The following ADD2 variants were observed in gnomAD, a reference collection of about 807,000 sequenced individuals.
ADD2 encodes the protein adducin 2, also known as beta-adducin.
In ADD2, 23 loss-of-function variants were observed where a neutral mutation model predicts 83.0. That is an observed-to-expected ratio of 0.28 (90% confidence interval 0.20 to 0.39). The LOEUF (loss-of-function observed/expected upper bound fraction) is 0.39. Among genes scored for constraint, ADD2 ranks in the 10% least tolerant of loss-of-function variants. The pLI is 1.00. For synonymous variants in ADD2, 375 were observed against 375.4 expected, an observed-to-expected ratio of 1.00 and a Z score of 0.01; for missense variants, 758 against 944.9, an observed-to-expected ratio of 0.80 and a Z score of 2.59.
rs552953807 is a variant in ADD2, at chr2:70,693,342, C to T, written c.556-790G>A. 6.6e-5 allele frequency among the ~76,000 whole-genome samples: 10 copies of T among 152,294 alleles called. No individual in the cohort carries two copies. The South Asian group carries it at 1.9e-3, about 28-fold the overall frequency. ...CCTAACTTCACTGACTGCAGTTGTT[C>T]CCTGGACATTAACAAGCCAGATGAT... On this transcript the variant is annotated intron_variant, in intron 6 of 15. Coordinates refer to ENST00000264436, the MANE Select transcript of ADD2 (RefSeq NM_001617.4).
chr2:70,724,125 T>G (rs373185239), intron 1 of ADD2, among the ~76,000 whole-genome samples: 1 of 152,228 alleles, frequency 6.6e-6, no homozygotes, highest in Non-Finnish European at 1.5e-5. Context: ...TGTGGAAACA[T>G]GTACCTTCAT....
At chr2:70,737,693 G>C (rs966356978) in intron 1 of ADD2, among the ~76,000 whole-genome samples, 7 of 152,056 alleles carry the variant, frequency 4.6e-5, no homozygotes, top group African/African-American at 1.7e-4. Flanking sequence ...CCTGCACATT[G>C]TGCACATGTA....
chr2:70,760,160 T>G (rs889405192), intron 1 of ADD2, among the ~76,000 whole-genome samples: 2 of 152,230 alleles, frequency 1.3e-5, no homozygotes, highest in Non-Finnish European at 2.9e-5. Context: ...TTGGACACTT[T>G]GAAGAAAAGA....
chr2:70,677,941 T>C, intron 11 of ADD2, 64 bp from the exon 12 acceptor site: 1 of 1,603,520 alleles, frequency 6.2e-7, no homozygotes, highest in Non-Finnish European at 8.5e-7. Flanking sequence ...TCCCCAGTGG[T>C]CCACCCACGA....
chr2:70,698,655 T>C, intron 4 of ADD2, among the ~76,000 whole-genome samples: 1 of 152,174 alleles, frequency 6.6e-6, no homozygotes, highest in Non-Finnish European at 1.5e-5. Context: ...TTATTATTTA[T>C]ATATAAAAAT....
chr2:70,762,783 G>A (rs371200128), intron 1 of ADD2, among the ~76,000 whole-genome samples: 1 of 148,790 alleles, frequency 6.7e-6, no homozygotes, highest in East Asian at 2.0e-4. Flanking sequence ...TCGGCTCACT[G>A]CAACCTCCGC....
intron 1 of ADD2, among the ~76,000 whole-genome samples, chr2:70,728,960 C>T (rs1012191765): frequency 4.6e-5 from 7 of 152,226 alleles, no homozygotes; most frequent in African/African-American, 7.2e-5. Flanking sequence ...GGTTTTCCAC[C>T]GGCAAACTCT....
chr2:70,717,230 C>T (rs3821257), intron 1 of ADD2, among the ~76,000 whole-genome samples: 110,379 of 152,068 alleles, frequency 0.73, 41,450 homozygotes, highest in African/African-American at 0.91. Flanking sequence ...GACACGCTTC[C>T]TGTCACCAAG....
chr2:70,675,853 T>A, intron 13 of ADD2: 2 of 985,324 alleles, frequency 2.0e-6, no homozygotes, highest in African/African-American at 3.5e-5. Flanking sequence ...GAGATTTTTG[T>A]TTGTTTTTTT....
At position 70,667,663 on chromosome 2, in the gene ADD2, C is replaced by T. The variant is rs552724621; in HGVS notation, c.1871-3928G>A. On this transcript the variant is annotated intron_variant, in intron 15 of 15. Coordinates refer to ENST00000264436, the MANE Select transcript of ADD2 (RefSeq NM_001617.4). ...GGGGATGGAATTTCGCTCTTGTCAC[C>T]CAGGCTGGAGTGTAATGGTGCAATA... 1.5e-3 allele frequency among the ~76,000 whole-genome samples: 226 copies of T among 152,196 alleles called. 2 individuals carry two copies. The highest frequency in any genetic ancestry group is 4.9e-3 in the African/African-American group (202 of 41,500).
chr2:70,680,203 T>C (rs563847606), intron 10 of ADD2, among the ~76,000 whole-genome samples: 1 of 152,352 alleles, frequency 6.6e-6, no homozygotes, highest in East Asian at 1.9e-4. Context: ...GTTTACCATT[T>C]TGACAAACCA....
At chr2:70,737,074 A>G (rs1348327631) in intron 1 of ADD2, among the ~76,000 whole-genome samples, 5 of 152,154 alleles carry the variant, frequency 3.3e-5, no homozygotes, top group Admixed American at 1.3e-4. Flanking sequence ...GTCAGGAAAC[A>G]ACAGGTGCTG....
chr2:70,701,051 C>T (rs1429579495), intron 4 of ADD2, among the ~76,000 whole-genome samples: 3 of 151,966 alleles, frequency 2.0e-5, no homozygotes, highest in Non-Finnish European at 2.9e-5. Flanking sequence ...CACCTTGATT[C>T]ATGTTATGAA....
In ADD2 at chr2:70,688,010, G is replaced by A; in HGVS notation, c.948+14C>T. 10 of 1,611,376 alleles carry A rather than the reference G, an allele frequency of 6.2e-6. No homozygotes were observed. The highest frequency in any genetic ancestry group is 7.6e-6 in the Non-Finnish European group (9 of 1,177,610). ...GCCCACTCCTGGGCCCACTTTCCAG[G>A]AGAATTTGCTCACCTGTATCTCACA... On this transcript the variant is annotated intron_variant, in intron 9 of 15. Transcript: ENST00000264436.
rs1325733458 is a variant in ADD2, at chr2:70,767,932, G to A, written c.-200C>T. The A allele has an allele frequency of 6.5e-7, 1 of 1,535,850 alleles. No individual in the cohort carries two copies. The highest frequency in any genetic ancestry group is 1.4e-5 in the African/African-American group (1 of 73,034). On this transcript the variant is annotated 5_prime_UTR_variant, in exon 1 of 16. Coordinates refer to ENST00000264436, the MANE Select transcript of ADD2 (RefSeq NM_001617.4). ...ATCTCCGGTCGGCCACTGCGGGTTG[G>A]TTTTGTTATTTTATGGGTTTGGGGG...
In ADD2 at chr2:70,696,152, G is replaced by T. The variant is rs562017010; in HGVS notation, c.474+93C>A. On this transcript the variant is annotated intron_variant, in intron 5 of 15. Coordinates refer to ENST00000264436, the MANE Select transcript of ADD2 (RefSeq NM_001617.4). ...GCATTTTAGCCAAAGGTCACCAGCA[G>T]TGCCATGGCCATGCCAAGGGTCAGG... is the stretch of plus-strand genomic sequence containing the variant. 11 of 1,493,140 alleles carry T rather than the reference G, an allele frequency of 7.4e-6. No homozygotes were observed. The East Asian group carries it at 2.5e-4, about 33-fold the overall frequency. The allele number at this position is 1,493,140 out of a possible 1,614,324, so 92.5% of individuals were successfully genotyped here. A position where few individuals can be genotyped will look rare whatever the true frequency, so the allele number is the denominator to read the frequency against.
chr2:70,674,110 C>T (rs1670022869), intron 14 of ADD2, among the ~76,000 whole-genome samples: 1 of 152,094 alleles, frequency 6.6e-6, no homozygotes, highest in African/African-American at 2.4e-5. Context: ...GGAGGCCCTT[C>T]CTAGCTGGAG....
intron 1 of ADD2, among the ~76,000 whole-genome samples, chr2:70,739,173 G>C (rs1458592092): frequency 6.6e-6 from 1 of 152,008 alleles, no homozygotes; most frequent in African/African-American, 2.4e-5. Context: ...GCATCTATAA[G>C]GAACTTAAAC....
intron 15 of ADD2, among the ~76,000 whole-genome samples, chr2:70,668,010 C>G (rs1431959713): frequency 1.3e-5 from 2 of 152,140 alleles, no homozygotes; most frequent in Non-Finnish European, 2.9e-5. Context: ...GGCCCTCTCA[C>G]ATAGAACAAA....
Sources: allele counts gnomAD v4.1 joint callset (sites outside exome capture counted in the v4.1 genomes callset), GRCh38; gene constraint gnomAD v4.1.1; transcripts MANE v1.5; gene names NCBI Gene and HGNC (gene_info 2026-07-23, HGNC 2026-07-21).